The following LRRC56 variants were observed in gnomAD, a reference collection of about 807,000 sequenced individuals.
The protein encoded by LRRC56 is leucine rich repeat containing 56, also known as leucine-rich repeat-containing protein 56.
Under a neutral mutation model 47.8 loss-of-function variants are expected in LRRC56, and 41 were observed. The ratio of observed to expected loss-of-function variants is 0.86; its 90% CI spans 0.67 to 1.11. LRRC56 has a LOEUF of 1.11. Among genes scored for constraint, LRRC56 ranks in the 50% most tolerant of loss-of-function variants. The probability of loss-of-function intolerance (pLI) is 0.00; values close to 1 mark genes in which losing one functional copy is unlikely to be tolerated. For synonymous variants in LRRC56, 387 were observed against 311.2 expected (o/e 1.24, Z -2.56); for missense variants, 759 against 704.2 (o/e 1.08, Z -0.88).
chr11:520,978 G>A, the LRRC56 span, among the ~76,000 whole-genome samples: 2 of 152,168 alleles, frequency 1.3e-5, no homozygotes, highest in Non-Finnish European at 2.9e-5. Context: ...TGACTACTCC[G>A]CTGCCTGAAC....
chr11:552,882 G>C (rs891536216), intron 13 of LRRC56, among the ~76,000 whole-genome samples, 180 bp downstream of exon 13: 6 of 152,222 alleles, frequency 3.9e-5, no homozygotes, highest in Admixed American at 2.0e-4. Flanking sequence ...ACCAAGGGAG[G>C]CCCAACCCAA....
chr11:537,645 C>T (rs748790813), intron 1 of LRRC56, 40 bp downstream of exon 1: 1 of 152,260 alleles, frequency 6.6e-6, no homozygotes. Context: ...AGCCGCAAGC[C>T]TCGCCCTATG....
In LRRC56 at chr11:554,854, G is replaced by A. The variant is rs1433438975; in HGVS notation, c.*578G>A. 12 of 664,086 alleles carry A rather than the reference G, an allele frequency of 1.8e-5. No individual in the cohort carries two copies. Among genetic ancestry groups the A allele is most frequent in the Middle Eastern group, 4.2e-4 (1 of 2,360 alleles). The allele number at this position is 664,086 out of a possible 1,614,324, so 41.1% of individuals were successfully genotyped here. On this transcript the variant is annotated 3_prime_UTR_variant, in exon 14 of 14. Coordinates refer to ENST00000270115, the MANE Select transcript of LRRC56 (RefSeq NM_198075.4). Reference sequence around the variant, plus strand: ...CCAAACCAACATTTCCAGCTCTCAGGTGTACAGAAATGCGGTTTACTTTGT... The same window carrying A: ...CCAAACCAACATTTCCAGCTCTCAGATGTACAGAAATGCGGTTTACTTTGT...
intron 13 of LRRC56, among the ~76,000 whole-genome samples, chr11:553,227 G>C (rs969462345): frequency 7.2e-5 from 11 of 152,258 alleles, no homozygotes; most frequent in Admixed American, 7.2e-4. Context: ...ACTGACTTCA[G>C]TGTGATCACA....
the LRRC56 span, among the ~76,000 whole-genome samples, chr11:525,503 C>T: frequency 5.9e-5 from 9 of 151,724 alleles, no homozygotes; most frequent in Non-Finnish European, 1.2e-4. Context: ...CGCGCCACTG[C>T]ACTCCAGCCT....
chr11:548,400 C>T (rs1396198929), intron 6 of LRRC56, among the ~76,000 whole-genome samples: 1 of 152,124 alleles, frequency 6.6e-6, no homozygotes, highest in Non-Finnish European at 1.5e-5. Context: ...CCCACCTCAG[C>T]CTCCTGAAGT....
At chr11:513,074 ACT>A in the LRRC56 span, among the ~76,000 whole-genome samples, 1 of 152,044 alleles carries the variant, frequency 6.6e-6, no homozygotes, top group Admixed American at 6.5e-5. Context: ...CTCTCAGCAC[ACT>A]CTGCCCAGCA....
At position 544,542 on chromosome 11, in the gene LRRC56, G is replaced by A. The variant is rs1851977463; in HGVS notation, c.266-178G>A. Reference sequence around the variant, plus strand: ...ACCCCTTTGGTGGCCAGAGGAGCCCGCAGCCCTGGAGCAGTTCCTGGGTGC... The same window carrying A: ...ACCCCTTTGGTGGCCAGAGGAGCCCACAGCCCTGGAGCAGTTCCTGGGTGC... On this transcript the variant is annotated intron_variant, in intron 5 of 13. Transcript: ENST00000270115. Among the ~76,000 whole-genome samples, 2 of 152,154 alleles carry A rather than the reference G, an allele frequency of 1.3e-5. 1 individual carries two copies. The highest frequency in any genetic ancestry group is 4.1e-4 in the South Asian group (2 of 4,834).
chr11:531,009 G>A, the LRRC56 span, among the ~76,000 whole-genome samples: 1 of 73,198 alleles, frequency 1.4e-5, no homozygotes, highest in East Asian at 3.2e-4. Context: ...AGAAGGGCGA[G>A]TGTGGCGTCC....
chr11:554,110 GC>G lies in LRRC56; in HGVS notation c.1465del (p.Leu489TrpfsTer11). ...RLRVLGSWGP[G>X]LGDGVAAVPV... ...CGAGTCCTGGGCAGCTGGGGGCCTGGCCTGGGTGATGGGGTGGCTGCAGTGC... is the reference window on the plus strand; with the variant it reads ...CGAGTCCTGGGCAGCTGGGGGCCTGGCTGGGTGATGGGGTGGCTGCAGTGC... On this transcript the variant is annotated frameshift_variant, in exon 14 of 14. Transcript: ENST00000270115. LOFTEE classifies it low-confidence loss of function (END_TRUNC). 3 of 1,606,008 alleles carry G rather than the reference GC, an allele frequency of 1.9e-6. No homozygotes were observed. Among genetic ancestry groups the G allele is most frequent in the Non-Finnish European group, 2.5e-6 (3 of 1,178,104 alleles).
Position 554,392 on chromosome 11 carries a change from C to A in LRRC56, c.*116C>A. The A allele has an allele frequency of 8.8e-6, 8 of 909,032 alleles. No homozygotes were observed. Among genetic ancestry groups the A allele is most frequent in the Non-Finnish European group, 1.2e-5 (8 of 660,484 alleles). 56.3% of individuals were successfully genotyped at this position (909,032 alleles called of 1,614,324 possible). ...TGGGGGGTGGAAGGAGTGCCTGGCC[C>A]TGGGGAGGACCCTCTTGGTGGAGGG... On this transcript the variant is annotated 3_prime_UTR_variant, in exon 14 of 14. Transcript: ENST00000270115.
chr11:527,583 G>A, the LRRC56 span, among the ~76,000 whole-genome samples: 6 of 152,126 alleles, frequency 3.9e-5, no homozygotes, highest in Non-Finnish European at 8.8e-5. Flanking sequence ...CCAGGCTGGA[G>A]TGCAGTGGCG....
the LRRC56 span, among the ~76,000 whole-genome samples, chr11:527,223 C>G: frequency 0.24 from 35,925 of 151,844 alleles, 4,622 homozygotes; most frequent in African/African-American, 0.33. Flanking sequence ...ATCACTTGAA[C>G]CCAGGAGGTA....
chr11:541,392 AC>A lies in LRRC56; in HGVS notation c.178-142del. ...CTGTCACATCCACTCCCATCCCACC[AC>A]CCAGGCCAGGGCCAACATGGCCCAG... is the stretch of plus-strand genomic sequence containing the variant. On this transcript the variant is annotated intron_variant, in intron 4 of 13. Transcript: ENST00000270115. The surrounding 1 kb of genome is among the most constrained non-coding windows in gnomAD (Gnocchi z 4.1). The A allele has an allele frequency of 2.1e-6, 1 of 471,314 alleles. No homozygotes were observed. Among genetic ancestry groups the A allele is most frequent in the Non-Finnish European group, 3.8e-6 (1 of 266,404 alleles). 29.2% of individuals were successfully genotyped at this position (471,314 alleles called of 1,614,324 possible).
chr11:540,454 G>C (rs1296545898), intron 3 of LRRC56, among the ~76,000 whole-genome samples: 6 of 152,116 alleles, frequency 3.9e-5, no homozygotes, highest in African/African-American at 9.7e-5. Context: ...AGCCAAGGCT[G>C]GGGGAGGGGA....
chr11:537,353 C>G (rs1480009230), upstream of LRRC56: 4 of 152,246 alleles, frequency 2.6e-5, no homozygotes, highest in Non-Finnish European at 4.4e-5. Context: ...GGGGCGCCCA[C>G]GCACGTGCCA....
In LRRC56 at chr11:554,869, G is replaced by A. The variant is rs917808712; in HGVS notation, c.*593G>A. Reference sequence around the variant, plus strand: ...CAGCTCTCAGGTGTACAGAAATGCGGTTTACTTTGTAGGCCACGTTGGTTC... The same window carrying A: ...CAGCTCTCAGGTGTACAGAAATGCGATTTACTTTGTAGGCCACGTTGGTTC... On this transcript the variant is annotated 3_prime_UTR_variant, in exon 14 of 14. Coordinates refer to ENST00000270115, the MANE Select transcript of LRRC56 (RefSeq NM_198075.4). 2 of 759,844 alleles carry A rather than the reference G, an allele frequency of 2.6e-6. No homozygotes were observed. The highest frequency in any genetic ancestry group is 3.9e-6 in the Non-Finnish European group (2 of 508,120). The allele number at this position is 759,844 out of a possible 1,614,324, so 47.1% of individuals were successfully genotyped here.
chr11:520,928 C>G, the LRRC56 span, among the ~76,000 whole-genome samples: 1 of 152,206 alleles, frequency 6.6e-6, no homozygotes, highest in African/African-American at 2.4e-5. Flanking sequence ...TGGGAATTGT[C>G]CATATTGAGA....
At chr11:534,528 G>A (rs545664216), upstream of LRRC56, 3 of 599,066 alleles carry the variant, frequency 5.0e-6, no homozygotes, top group Admixed American at 2.9e-5. Context: ...CTGTGCAGCT[G>A]CAACCCAGCG....
Sources: gnomAD v4.1 joint callset for allele counts (sites outside exome capture counted in the v4.1 genomes callset) on GRCh38, gnomAD v4.1.1 for gene constraint, Gnocchi (gnomAD v3.1) non-coding constraint, MANE v1.5 for transcripts, NCBI Gene and HGNC (gene_info 2026-07-23, HGNC 2026-07-21) for gene names.